Variants in CORO2A observed in about 807,000 individuals in gnomAD.
CORO2A encodes the protein coronin-2A.
Under a neutral mutation model 62.4 loss-of-function variants are expected in CORO2A, and 47 were observed. The observed-to-expected ratio is 0.75, with a 90% CI of 0.60 to 0.96. CORO2A has a LOEUF of 0.96. Among genes scored for constraint, CORO2A ranks in the 40% least tolerant of loss-of-function variants. The probability of loss-of-function intolerance (pLI) is 0.00; values close to 1 mark genes in which losing one functional copy is unlikely to be tolerated. For missense variants in CORO2A, 610 were observed against 684.1 expected, an observed-to-expected ratio of 0.89 and a Z score of 1.21; for synonymous variants, 273 against 268.9, an observed-to-expected ratio of 1.02 and a Z score of -0.15.
chr9:98,126,957 G>A, intron 10 of CORO2A, 134 bp from the exon 11 acceptor site: 1 of 989,440 alleles, frequency 1.0e-6, no homozygotes, highest in East Asian at 2.5e-5. Flanking sequence ...GGGAAATACA[G>A]CTACCTGTGG....
chr9:98,181,274 A>G (rs1198118451), intron 1 of CORO2A, among the ~76,000 whole-genome samples: 2 of 151,014 alleles, frequency 1.3e-5, no homozygotes, highest in African/African-American at 4.9e-5. Flanking sequence ...CTTGTACCCA[A>G]TGCCAATCCA....
intron 1 of CORO2A, among the ~76,000 whole-genome samples, chr9:98,162,848 T>C (rs890560934): frequency 2.0e-5 from 3 of 152,244 alleles, no homozygotes; most frequent in Admixed American, 6.5e-5. Context: ...TCATTTTCCC[T>C]ACAAGCAGGC....
intron 2 of CORO2A, among the ~76,000 whole-genome samples, chr9:98,140,076 T>C (rs1381480986): frequency 2.6e-5 from 4 of 152,172 alleles, no homozygotes; most frequent in Non-Finnish European, 5.9e-5. Flanking sequence ...TCACATTGCA[T>C]GGCCCTGGCA....
At chr9:98,140,491 A>G (rs1483617701) in intron 2 of CORO2A, among the ~76,000 whole-genome samples, 1 of 151,068 alleles carries the variant, frequency 6.6e-6, no homozygotes, top group African/African-American at 2.4e-5. Flanking sequence ...TCCAGGCTGG[A>G]GTGCAGTGGT....
chr9:98,185,402 C>T (rs927882197), intron 1 of CORO2A, among the ~76,000 whole-genome samples: 1 of 152,212 alleles, frequency 6.6e-6, no homozygotes, highest in African/African-American at 2.4e-5. Flanking sequence ...CAGATGAGGA[C>T]ACTGAGTCAT....
At chr9:98,125,719 T>A (rs964033343) in intron 11 of CORO2A, among the ~76,000 whole-genome samples, 7 of 141,764 alleles carry the variant, frequency 4.9e-5, no homozygotes, top group African/African-American at 1.9e-4. Context: ...ATTTTTTTTT[T>A]TTTTTTTTTT....
chr9:98,187,083 T>G (rs188119152), intron 1 of CORO2A, among the ~76,000 whole-genome samples: 14 of 151,952 alleles, frequency 9.2e-5, no homozygotes, highest in Non-Finnish European at 1.9e-4. Context: ...ATTGAGGCCA[T>G]CCTGGCTAAC....
intron 1 of CORO2A, among the ~76,000 whole-genome samples, chr9:98,172,310 A>G (rs1483715469): frequency 1.2e-5 from 1 of 82,528 alleles, no homozygotes; most frequent in Non-Finnish European, 2.4e-5. Flanking sequence ...TTCCGAGCTC[A>G]GCCCCACACC....
chr9:98,173,514 T>A (rs1050859845), intron 1 of CORO2A, among the ~76,000 whole-genome samples: 1 of 151,768 alleles, frequency 6.6e-6, no homozygotes. Context: ...CGGTGGCCAC[T>A]GCGGCTCTGC....
chr9:98,124,810 C>A lies in CORO2A; in HGVS notation c.1542G>T (p.Glu514Asp), dbSNP rs1827293503. The part of the protein sequence containing the change: ...REVQAKQLEL[E>D]IKNLRMGSEQ... The stretch of plus-strand genomic sequence containing the variant: ...CTGAGCCCATCCGCAAGTTTTTGAT[C>A]TCCAGTTCCAACTGTTTGGCCTGGA... The change falls in exon 12 of 12, where the codon GAG (glutamate) becomes GAT (aspartate). Residue 514 changes from glutamate to aspartate, a missense_variant. Coordinates refer to ENST00000375077, the MANE Select transcript of CORO2A (RefSeq NM_052820.4). 6.2e-7 allele frequency: 1 copy of A among 1,611,432 alleles called. No individual in the cohort carries two copies. Among genetic ancestry groups the A allele is most frequent in the African/African-American group, 1.3e-5 (1 of 74,904 alleles).
At chr9:98,138,175 G>A (rs995519943) in intron 2 of CORO2A, among the ~76,000 whole-genome samples, 3 of 152,164 alleles carry the variant, frequency 2.0e-5, no homozygotes, top group African/African-American at 4.8e-5. Context: ...AGCACTTTGG[G>A]AGGCCAAGGT....
chr9:98,165,487 C>T (rs1019558945), intron 1 of CORO2A, among the ~76,000 whole-genome samples: 2 of 152,268 alleles, frequency 1.3e-5, no homozygotes, highest in East Asian at 3.9e-4. Context: ...TGCGCCAAGC[C>T]GTGTCAGGAG....
At chr9:98,149,101 T>A (rs1308587025) in intron 2 of CORO2A, among the ~76,000 whole-genome samples, 1 of 152,190 alleles carries the variant, frequency 6.6e-6, no homozygotes, top group African/African-American at 2.4e-5. Flanking sequence ...TGTAGTCTTA[T>A]AAGATGTTAC....
At chr9:98,189,133 T>C (rs1828274972) in intron 1 of CORO2A, among the ~76,000 whole-genome samples, 1 of 152,182 alleles carries the variant, frequency 6.6e-6, no homozygotes, top group Admixed American at 6.5e-5. Context: ...CAAATGAAAT[T>C]GCCATTTCTT....
rs367736265 is a variant in CORO2A, at chr9:98,150,088, C to T, written c.201+7372G>A. Among the ~76,000 whole-genome samples, 320 of 152,142 alleles carry T rather than the reference C, an allele frequency of 2.1e-3. 7 individuals are homozygous for T. Among genetic ancestry groups the T allele is most frequent in the Non-Finnish European group, 4.4e-4 (30 of 67,994 alleles). The stretch of plus-strand genomic sequence containing the variant: ...TTGGGGTTACAGGTGGCTGCCACCA[C>T]GCCCAACTAATTTTTCATATTTTTA... On this transcript the variant is annotated intron_variant, in intron 2 of 11. Coordinates refer to ENST00000375077, the MANE Select transcript of CORO2A (RefSeq NM_052820.4).
chr9:98,181,515 C>G (rs2118933293), intron 1 of CORO2A, among the ~76,000 whole-genome samples: 1 of 152,084 alleles, frequency 6.6e-6, no homozygotes, highest in Non-Finnish European at 1.5e-5. Flanking sequence ...TCTCAGCCAC[C>G]AACCATCTTG....
Position 98,121,150 on chromosome 9 carries a change from G to C in CORO2A, c.*3624C>G, listed in dbSNP as rs1369894695. 6.6e-6 allele frequency: 1 copy of C among 152,168 alleles called. No homozygotes were observed. The highest frequency in any genetic ancestry group is 1.5e-5 in the Non-Finnish European group (1 of 68,030). The allele number at this position is 152,168 out of a possible 1,614,324, so 9.4% of individuals were successfully genotyped here. A position where few individuals can be genotyped will look rare whatever the true frequency, so the allele number is the denominator to read the frequency against. On this transcript the variant is annotated 3_prime_UTR_variant, in exon 12 of 12. Coordinates refer to ENST00000375077, the MANE Select transcript of CORO2A (RefSeq NM_052820.4). Reference sequence around the variant, plus strand: ...GTTTCAGGCACGGTTTCAATTAAAAGCATAGATTTGATTTCTGACTTCCTG... The same window carrying C: ...GTTTCAGGCACGGTTTCAATTAAAACCATAGATTTGATTTCTGACTTCCTG...
chr9:98,183,933 C>T (rs1349837651), intron 1 of CORO2A, among the ~76,000 whole-genome samples: 1 of 152,174 alleles, frequency 6.6e-6, no homozygotes, highest in Non-Finnish European at 1.5e-5. Context: ...TACACTCCAG[C>T]CTGGGTGACA....
At chr9:98,192,117 G>A (rs1828312095) in intron 1 of CORO2A, among the ~76,000 whole-genome samples, 1 of 152,212 alleles carries the variant, frequency 6.6e-6, no homozygotes. Context: ...GGAAGCTGAG[G>A]CCCAGCAGGT....
Sources: gnomAD v4.1 joint callset for allele counts (sites outside exome capture counted in the v4.1 genomes callset) on GRCh38, gnomAD v4.1.1 for gene constraint, MANE v1.5 for transcripts, NCBI Gene and HGNC (gene_info 2026-07-23, HGNC 2026-07-21) for gene names.